The following TRHDE variants were observed in gnomAD, a reference collection of about 807,000 sequenced individuals.
TRHDE encodes thyrotropin-releasing hormone-degrading ectoenzyme.
In TRHDE, 72 loss-of-function variants were observed where a neutral mutation model predicts 125.7. The observed-to-expected ratio is 0.57, with a 90% CI of 0.47 to 0.70. The LOEUF (loss-of-function observed/expected upper bound fraction) is 0.70. TRHDE is among the 30% of genes least tolerant of loss of function. The pLI is 0.00. For missense variants in TRHDE, 1,110 were observed against 1,327.1 expected, an observed-to-expected ratio of 0.84 and a Z score of 2.54; for synonymous variants, 509 against 509.1, an observed-to-expected ratio of 1.00 and a Z score of 0.00.
intron 3 of TRHDE, among the ~76,000 whole-genome samples, chr12:72,440,148 G>A (rs1289590180): frequency 6.6e-6 from 1 of 151,842 alleles, no homozygotes; most frequent in South Asian, 2.1e-4. Flanking sequence ...GTGTGCTGTT[G>A]TATTCGATTT....
chr12:72,164,326 T>C (rs1876698410), intron 2 of TRHDE, among the ~76,000 whole-genome samples: 1 of 151,930 alleles, frequency 6.6e-6, no homozygotes, highest in South Asian at 2.1e-4. Flanking sequence ...CTGAGCAGAG[T>C]TACCTCGATA....
chr12:72,479,888 C>T (rs1877084739), intron 5 of TRHDE, among the ~76,000 whole-genome samples: 1 of 151,074 alleles, frequency 6.6e-6, no homozygotes, highest in Non-Finnish European at 1.5e-5. Flanking sequence ...GTTCAATTCC[C>T]ACCTATAAGT....
intron 3 of TRHDE, among the ~76,000 whole-genome samples, chr12:72,388,547 C>T (rs1872519125): frequency 6.6e-6 from 1 of 152,078 alleles, no homozygotes; most frequent in Admixed American, 6.5e-5. Flanking sequence ...ATTTTCACAA[C>T]ACAGGAGAGA....
intron 2 of TRHDE, among the ~76,000 whole-genome samples, chr12:72,110,616 G>A (rs956548718): frequency 2.6e-5 from 4 of 152,004 alleles, no homozygotes; most frequent in East Asian, 1.9e-4. Context: ...AAACTTTATC[G>A]AATATCTTAG....
chr12:72,402,931 C>T (rs1173651604), intron 3 of TRHDE, among the ~76,000 whole-genome samples: 1 of 152,158 alleles, frequency 6.6e-6, no homozygotes, highest in African/African-American at 2.4e-5. Context: ...ATGACTACTT[C>T]CTCACGAATC....
intron 18 of TRHDE, among the ~76,000 whole-genome samples, chr12:72,662,609 A>T (rs1874958439): frequency 6.6e-6 from 1 of 152,170 alleles, no homozygotes; most frequent in Admixed American, 6.6e-5. Context: ...GATGAAAAAT[A>T]ATTTTCTCTC....
chr12:72,100,688 A>G (rs1375319123), intron 1 of TRHDE, among the ~76,000 whole-genome samples: 1 of 152,214 alleles, frequency 6.6e-6, no homozygotes, highest in African/African-American at 2.4e-5. Flanking sequence ...GACCCTTGAA[A>G]TGAAAATGAC....
At chr12:72,211,198 C>T (rs897667362) in intron 2 of TRHDE, among the ~76,000 whole-genome samples, 1 of 152,108 alleles carries the variant, frequency 6.6e-6, no homozygotes, top group Non-Finnish European at 1.5e-5. Context: ...CTAGGAGTGG[C>T]AAGCAGAGAA....
intron 3 of TRHDE, among the ~76,000 whole-genome samples, chr12:72,443,322 A>G (rs929497766): frequency 5.9e-5 from 9 of 151,286 alleles, no homozygotes; most frequent in African/African-American, 1.9e-4. Flanking sequence ...CTCAATCACC[A>G]TTACTCTAGA....
At chr12:72,456,290 G>T (rs580466) in intron 3 of TRHDE, among the ~76,000 whole-genome samples, 19,045 of 151,666 alleles carry the variant, frequency 0.13, 1,706 homozygotes, top group East Asian at 0.48. Context: ...GGCTGTAAGG[G>T]TTCCATCCCC....
intron 2 of TRHDE, among the ~76,000 whole-genome samples, chr12:72,195,189 A>G (rs1322809061): frequency 6.6e-6 from 1 of 152,080 alleles, no homozygotes; most frequent in East Asian, 1.9e-4. Flanking sequence ...ATTCAATTAC[A>G]TCCCACTGAG....
intron 2 of TRHDE, among the ~76,000 whole-genome samples, chr12:72,290,701 G>A (rs1191693078): frequency 6.6e-6 from 1 of 152,202 alleles, no homozygotes; most frequent in Non-Finnish European, 1.5e-5. Flanking sequence ...TGTGAGCTAA[G>A]GCTGTCAGCC....
chr12:72,445,038 T>A (rs1245871353), intron 3 of TRHDE, among the ~76,000 whole-genome samples: 2 of 151,876 alleles, frequency 1.3e-5, no homozygotes, highest in Non-Finnish European at 2.9e-5. Flanking sequence ...AACAAGTACC[T>A]TCTTCTTCTC....
chr12:72,338,021 G>A (rs1317369534), intron 2 of TRHDE, among the ~76,000 whole-genome samples: 3 of 152,006 alleles, frequency 2.0e-5, no homozygotes, highest in Non-Finnish European at 2.9e-5. Flanking sequence ...AGAAAATTTC[G>A]AATCTGCAGG....
chr12:72,376,880 T>G (rs1246676635), intron 2 of TRHDE, among the ~76,000 whole-genome samples: 1 of 152,284 alleles, frequency 6.6e-6, no homozygotes, highest in East Asian at 1.9e-4. Flanking sequence ...ACCATTTTTT[T>G]TTTTTAGATA....
At chr12:72,308,896 T>C (rs1565692949) in intron 2 of TRHDE, among the ~76,000 whole-genome samples, 1 of 152,210 alleles carries the variant, frequency 6.6e-6, no homozygotes, top group Non-Finnish European at 1.5e-5. Flanking sequence ...AGTTGCATAA[T>C]TTATCTGACT....
chr12:72,199,712 G>C (rs1877517622), intron 2 of TRHDE, among the ~76,000 whole-genome samples: 1 of 152,166 alleles, frequency 6.6e-6, no homozygotes, highest in Admixed American at 6.5e-5. Flanking sequence ...AACTGAGATA[G>C]GCTTTCAAGA....
At chr12:72,203,875 C>A (rs1158027934) in intron 2 of TRHDE, among the ~76,000 whole-genome samples, 1 of 152,082 alleles carries the variant, frequency 6.6e-6, no homozygotes, top group Non-Finnish European at 1.5e-5. Flanking sequence ...TGTGTCAGGT[C>A]CTAAAATAGT....
intron 12 of TRHDE, among the ~76,000 whole-genome samples, chr12:72,596,258 C>T (rs894539006): frequency 1.3e-5 from 2 of 152,074 alleles, no homozygotes; most frequent in African/African-American, 4.8e-5. Context: ...TTGCAAACAT[C>T]TTTGAATAAA....
Sources: gnomAD v4.1 joint callset for allele counts (sites outside exome capture counted in the v4.1 genomes callset) on GRCh38, gnomAD v4.1.1 for gene constraint, MANE v1.5 for transcripts, NCBI Gene and HGNC (gene_info 2026-07-23, HGNC 2026-07-21) for gene names.